The following ROBO1 variants were observed in gnomAD, a reference collection of about 807,000 sequenced individuals.
ROBO1 encodes roundabout homolog 1.
A neutral mutation model predicts 195.9 loss-of-function variants in ROBO1; 149 were observed. The observed-to-expected ratio is 0.76, with a 90% CI of 0.67 to 0.87. The LOEUF (loss-of-function observed/expected upper bound fraction) is 0.87. Ranked by LOEUF, ROBO1 falls within the 40% of genes least tolerant of loss-of-function variation. ROBO1 has a pLI of 0.00. For synonymous variants in ROBO1, 816 were observed against 733.2 expected, an observed-to-expected ratio of 1.11 and a Z score of -1.82; for missense variants, 1,933 against 2,068.3, an observed-to-expected ratio of 0.93 and a Z score of 1.27.
At chr3:79,572,311 AAC>A (rs1295924973) in intron 2 of ROBO1, among the ~76,000 whole-genome samples, 1 of 152,118 alleles carries the variant, frequency 6.6e-6, no homozygotes, top group Non-Finnish European at 1.5e-5. Context: ...ACATAAACAT[AAC>A]ACATCCTTTT....
chr3:78,711,873 G>A (rs575346542), intron 8 of ROBO1, among the ~76,000 whole-genome samples: 1 of 151,640 alleles, frequency 6.6e-6, no homozygotes, highest in South Asian at 2.1e-4. Context: ...TAGATAAAGT[G>A]CCTATTAGAT....
intron 1 of ROBO1, among the ~76,000 whole-genome samples, chr3:79,625,425 A>G (rs896879185): frequency 1.6e-5 from 2 of 127,116 alleles, no homozygotes; most frequent in Non-Finnish European, 3.4e-5. Flanking sequence ...TTTTTTTTGA[A>G]AAAAAAAAAA....
intron 4 of ROBO1, among the ~76,000 whole-genome samples, chr3:78,930,569 A>G (rs2039461064): frequency 6.6e-6 from 1 of 152,222 alleles, no homozygotes; most frequent in African/African-American, 2.4e-5. Flanking sequence ...GAGCTAACAA[A>G]TCCTAATCCA....
intron 3 of ROBO1, among the ~76,000 whole-genome samples, chr3:79,084,246 C>A (rs1038242972): frequency 1.3e-5 from 2 of 152,146 alleles, no homozygotes; most frequent in African/African-American, 4.8e-5. Context: ...CGCCTGTAAT[C>A]CCAGCACTTC....
At chr3:78,950,218 T>A (rs2040696045) in intron 3 of ROBO1, among the ~76,000 whole-genome samples, 1 of 151,988 alleles carries the variant, frequency 6.6e-6, no homozygotes, top group African/African-American at 2.4e-5. Flanking sequence ...ACACGTATGT[T>A]TACAGCAGCA....
chr3:78,715,990 C>T (rs541795055), intron 7 of ROBO1, among the ~76,000 whole-genome samples: 18 of 152,302 alleles, frequency 1.2e-4, no homozygotes, highest in African/African-American at 4.3e-4. Flanking sequence ...TATGCCCTAC[C>T]TAGCCATGCT....
At position 79,545,619 on chromosome 3, in the gene ROBO1, T is replaced by A. The variant is rs147048426; in HGVS notation, c.88+44205A>T. Among the ~76,000 whole-genome samples the A allele has an allele frequency of 2.6e-4, 39 of 152,296 alleles. No individual in the cohort carries two copies. The East Asian group carries it at 6.6e-3, about 26-fold the overall frequency. ...GTATTAAATATGTGATAATTATTTT[T>A]AAAAATATTTAGTAAATTCACAGAT... On this transcript the variant is annotated intron_variant, in intron 2 of 30. Transcript: ENST00000464233.
chr3:79,506,356 A>C (rs1940395776), intron 2 of ROBO1, among the ~76,000 whole-genome samples: 1 of 152,172 alleles, frequency 6.6e-6, no homozygotes, highest in Non-Finnish European at 1.5e-5. Context: ...AATGACAAAT[A>C]ATTAGAATTT....
intron 3 of ROBO1, among the ~76,000 whole-genome samples, chr3:79,059,343 C>T (rs941950124): frequency 1.3e-5 from 2 of 152,032 alleles, no homozygotes; most frequent in African/African-American, 4.8e-5. Flanking sequence ...AACCTCATGA[C>T]TTGGATTAAG....
In ROBO1 at chr3:78,746,821, A is replaced by T; in HGVS notation, c.579T>A (p.Pro193=). 6.2e-7 allele frequency: 1 copy of T among 1,603,866 alleles called. No homozygotes were observed. ...VGEPAVMECQ[P]PRGHPEPTIS... ...TGGTGGGCTCAGGATGGCCTCGTGG[A>T]GGTTGGCATTCCATTACTGCAGGCT... The change falls in exon 5 of 31, where the codon CCT becomes CCA. Residue 193 remains proline, a synonymous_variant. Coordinates refer to ENST00000464233, the MANE Select transcript of ROBO1 (RefSeq NM_002941.4).
rs560837898 is a variant in ROBO1, at chr3:79,177,361, C to T, written c.89-51822G>A. 1.5e-3 allele frequency among the ~76,000 whole-genome samples: 226 copies of T among 152,288 alleles called. 1 individual carries two copies. Among genetic ancestry groups the T allele is most frequent in the East Asian group, 2.9e-3 (15 of 5,176 alleles). ...AGTGCTTTGCCAACAAGTGCATTGC[C>T]TCAGATGGAGTGCTGTTCCAGCACA... On this transcript the variant is annotated intron_variant, in intron 2 of 30. Transcript: ENST00000464233.
chr3:79,104,031 C>T (rs911528283), intron 3 of ROBO1, among the ~76,000 whole-genome samples: 1 of 151,702 alleles, frequency 6.6e-6, no homozygotes, highest in African/African-American at 2.4e-5. Flanking sequence ...ACTCTGACAA[C>T]ACATTAAAAT....
chr3:78,945,764 G>A (rs1215054535), intron 3 of ROBO1, among the ~76,000 whole-genome samples: 3 of 152,166 alleles, frequency 2.0e-5, no homozygotes, highest in African/African-American at 7.2e-5. Context: ...GAAGTTAAAA[G>A]CTTTGAAAAA....
At chr3:79,017,601 G>A (rs1325326444) in intron 3 of ROBO1, among the ~76,000 whole-genome samples, 1 of 151,890 alleles carries the variant, frequency 6.6e-6, no homozygotes, top group East Asian at 1.9e-4. Flanking sequence ...AGTTTCCTAG[G>A]GAGTGTATGA....
chr3:79,690,183 T>C (rs1370885978), intron 1 of ROBO1, among the ~76,000 whole-genome samples: 3 of 151,958 alleles, frequency 2.0e-5, no homozygotes, highest in Non-Finnish European at 4.4e-5. Flanking sequence ...CAGAACCTTG[T>C]AAATATACTA....
intron 2 of ROBO1, among the ~76,000 whole-genome samples, chr3:79,346,681 T>G (rs2109246723): frequency 6.6e-6 from 1 of 152,104 alleles, no homozygotes; most frequent in East Asian, 1.9e-4. Context: ...AAGCTTGAAT[T>G]TTCTAATAAA....
intron 1 of ROBO1, among the ~76,000 whole-genome samples, chr3:79,630,593 C>A (rs1945308928): frequency 6.6e-6 from 1 of 151,970 alleles, no homozygotes; most frequent in South Asian, 2.1e-4. Flanking sequence ...CAAGGATGCT[C>A]ACTTTCAACA....
At position 79,424,793 on chromosome 3, in the gene ROBO1, T is replaced by C. The variant is rs770332966; in HGVS notation, c.88+165031A>G. Among the ~76,000 whole-genome samples the C allele has an allele frequency of 2.0e-5, 3 of 152,134 alleles. No homozygotes were observed. The East Asian group carries it at 5.8e-4, about 29-fold the overall frequency. ...ATTCCATAGGTTGCCCAATTTTCTG[T>C]TTTGTGAAGATACGTTGGGCCAGTT... On this transcript the variant is annotated intron_variant, in intron 2 of 30. Coordinates refer to ENST00000464233, the MANE Select transcript of ROBO1 (RefSeq NM_002941.4).
chr3:79,279,959 A>G lies in ROBO1; in HGVS notation c.89-154420T>C, dbSNP rs192060004. 2.0e-3 allele frequency among the ~76,000 whole-genome samples: 301 copies of G among 152,356 alleles called. 6 individuals carry two copies. Among genetic ancestry groups the G allele is most frequent in the Non-Finnish European group, 8.7e-4 (59 of 68,036 alleles). The stretch of plus-strand genomic sequence containing the variant: ...TATAATTCATGGCAACATGGATGGA[A>G]CTGAAGGGCATTATGTTAAGTGAAG... On this transcript the variant is annotated intron_variant, in intron 2 of 30. Coordinates refer to ENST00000464233, the MANE Select transcript of ROBO1 (RefSeq NM_002941.4).
Sources: gnomAD v4.1 joint callset for allele counts (sites outside exome capture counted in the v4.1 genomes callset) on GRCh38, gnomAD v4.1.1 for gene constraint, MANE v1.5 for transcripts, NCBI Gene and HGNC (gene_info 2026-07-23, HGNC 2026-07-21) for gene names.